SUSD6: variants seen among roughly 807,000 people sequenced by gnomAD.
SUSD6 encodes the protein sushi domain containing 6.
A neutral mutation model predicts 28.4 loss-of-function variants in SUSD6; 16 were observed. The observed-to-expected ratio is 0.56, with a 90% CI of 0.38 to 0.86. The LOEUF (loss-of-function observed/expected upper bound fraction) is 0.86. SUSD6 is among the 40% of genes least tolerant of loss of function. The pLI, the probability that SUSD6 is intolerant of heterozygous loss-of-function variation, is 0.00. For missense variants in SUSD6, 341 were observed against 384.2 expected, an observed-to-expected ratio of 0.89 and a Z score of 0.94; for synonymous variants, 147 against 159.6, an observed-to-expected ratio of 0.92 and a Z score of 0.59.
intron 2 of SUSD6, among the ~76,000 whole-genome samples, chr14:69,687,579 A>G (rs927851583): frequency 6.6e-6 from 1 of 152,246 alleles, no homozygotes; most frequent in Non-Finnish European, 1.5e-5. Flanking sequence ...TCTAGTTTCA[A>G]TCCGTAACTG....
chr14:69,651,012 C>T (rs1279302614), intron 1 of SUSD6, among the ~76,000 whole-genome samples: 1 of 152,156 alleles, frequency 6.6e-6, no homozygotes, highest in African/African-American at 2.4e-5. Context: ...CCTGTGTTGA[C>T]TTACTTTTTA....
intron 2 of SUSD6, among the ~76,000 whole-genome samples, chr14:69,668,365 T>C (rs112184231): frequency 9.2e-5 from 14 of 152,308 alleles, no homozygotes; most frequent in African/African-American, 3.4e-4. Flanking sequence ...CTGGGTGCAG[T>C]GGCTCATGCC....
At chr14:69,696,922 A>G (rs770104938) in intron 2 of SUSD6, among the ~76,000 whole-genome samples, 10 of 152,262 alleles carry the variant, frequency 6.6e-5, no homozygotes, top group East Asian at 1.9e-4. Flanking sequence ...GTAAAGGAAT[A>G]AAAGAATGGC....
At chr14:69,698,085 TG>T (rs775131479) in intron 2 of SUSD6, among the ~76,000 whole-genome samples, 12 of 152,256 alleles carry the variant, frequency 7.9e-5, no homozygotes, top group Non-Finnish European at 1.5e-4. Context: ...CCCAACACTT[TG>T]GGAGGCCGAG....
intron 1 of SUSD6, among the ~76,000 whole-genome samples, chr14:69,657,686 G>A (rs868331453): frequency 9.9e-5 from 15 of 152,264 alleles, no homozygotes; most frequent in Middle Eastern, 3.4e-3. Context: ...AAATATAATA[G>A]GCCCACACCA....
chr14:69,620,086 C>G (rs1885015523), intron 1 of SUSD6, among the ~76,000 whole-genome samples: 1 of 152,200 alleles, frequency 6.6e-6, no homozygotes, highest in South Asian at 2.1e-4. Context: ...ATGCTTGAGC[C>G]ATTGCTAGAA....
At position 69,713,546 on chromosome 14, in the gene SUSD6, C is replaced by G. The variant is rs1566610420; in HGVS notation, c.*2567C>G. 1 of 152,308 alleles carries G rather than the reference C, an allele frequency of 6.6e-6. No individual in the cohort carries two copies. The highest frequency in any genetic ancestry group is 6.5e-5 in the Admixed American group (1 of 15,286). The allele number at this position is 152,308 out of a possible 1,614,324, so 9.4% of individuals were successfully genotyped here. ...AACCATCAGCCATGTGCTGCTATTT[C>G]TAGGGCTTCTGGGCTTTGTCCCTTA... is the stretch of plus-strand genomic sequence containing the variant. On this transcript the variant is annotated 3_prime_UTR_variant, in exon 6 of 6. Transcript: ENST00000342745.
intron 1 of SUSD6, among the ~76,000 whole-genome samples, chr14:69,643,303 T>C (rs1032363111): frequency 2.0e-5 from 3 of 152,230 alleles, no homozygotes; most frequent in Non-Finnish European, 4.4e-5. Context: ...TGTTCACTTA[T>C]TGAAACATGG....
chr14:69,682,218 TCC>T (rs1209161216), intron 2 of SUSD6, among the ~76,000 whole-genome samples: 1 of 152,082 alleles, frequency 6.6e-6, no homozygotes, highest in African/African-American at 2.4e-5. Flanking sequence ...ATGCCTGGAA[TCC>T]CAGCTACTCG....
chr14:69,620,137 A>G (rs1885016225), intron 1 of SUSD6, among the ~76,000 whole-genome samples: 2 of 152,276 alleles, frequency 1.3e-5, no homozygotes, highest in Non-Finnish European at 1.5e-5. Context: ...CCCTTTATCA[A>G]TCCTCCATCT....
rs1246749909 is a variant in SUSD6 at position 69,711,557 on chromosome 14, T to A, written c.*578T>A. The A allele has an allele frequency of 2.0e-5, 3 of 153,182 alleles. No individual in the cohort carries two copies. The highest frequency in any genetic ancestry group is 2.9e-5 in the Non-Finnish European group (2 of 68,730). The allele number at this position is 153,182 out of a possible 1,614,324, so 9.5% of individuals were successfully genotyped here. Reference sequence around the variant, plus strand: ...TCAAGAGTGGCAGAAGTGGCTCTAATTGGGGTGAGAGTGTAGTCCCTGGGC... The same window carrying A: ...TCAAGAGTGGCAGAAGTGGCTCTAAATGGGGTGAGAGTGTAGTCCCTGGGC... On this transcript the variant is annotated 3_prime_UTR_variant, in exon 6 of 6. Transcript: ENST00000342745.
At chr14:69,689,719 G>A (rs2139636178) in intron 2 of SUSD6, among the ~76,000 whole-genome samples, 1 of 152,346 alleles carries the variant, frequency 6.6e-6, no homozygotes, top group South Asian at 2.1e-4. Context: ...AGGCTGGAGT[G>A]CAGTGGCATG....
chr14:69,632,899 C>T (rs1885215877), intron 1 of SUSD6, among the ~76,000 whole-genome samples: 1 of 152,224 alleles, frequency 6.6e-6, no homozygotes, highest in Non-Finnish European at 1.5e-5. Flanking sequence ...CTTTCTTTCA[C>T]AGGTTCCTAT....
chr14:69,679,295 A>G (rs1289281452), intron 2 of SUSD6, among the ~76,000 whole-genome samples: 1 of 152,174 alleles, frequency 6.6e-6, no homozygotes, highest in East Asian at 1.9e-4. Flanking sequence ...TCATTGTTTC[A>G]TGAGTGAATA....
At chr14:69,693,074 A>G (rs1886175192) in intron 2 of SUSD6, among the ~76,000 whole-genome samples, 1 of 152,208 alleles carries the variant, frequency 6.6e-6, no homozygotes, top group Admixed American at 6.5e-5. Flanking sequence ...TACACGTGGA[A>G]TAGCCTGGCT....
chr14:69,644,061 C>T (rs969527189), intron 1 of SUSD6, among the ~76,000 whole-genome samples: 4 of 152,170 alleles, frequency 2.6e-5, no homozygotes, highest in African/African-American at 9.7e-5. Context: ...CTTTGTACCT[C>T]ATGTTGTAAT....
At chr14:69,669,421 G>A (rs970193943) in intron 2 of SUSD6, among the ~76,000 whole-genome samples, 3 of 152,168 alleles carry the variant, frequency 2.0e-5, no homozygotes, top group Non-Finnish European at 2.9e-5. Context: ...GGAAAGGTAC[G>A]CTTTCATTAC....
intron 1 of SUSD6, among the ~76,000 whole-genome samples, chr14:69,648,051 C>T (rs1461388337): frequency 6.6e-6 from 1 of 152,026 alleles, no homozygotes; most frequent in Non-Finnish European, 1.5e-5. Context: ...ATCGTCTGGT[C>T]CAGCCCTGCA....
intron 2 of SUSD6, among the ~76,000 whole-genome samples, chr14:69,675,070 A>G (rs1364509784): frequency 1.3e-5 from 2 of 151,746 alleles, no homozygotes; most frequent in African/African-American, 4.9e-5. Context: ...ATCTGAGACA[A>G]CTGGAAACTG....
Sources: gnomAD v4.1 joint callset for allele counts (sites outside exome capture counted in the v4.1 genomes callset) on GRCh38, gnomAD v4.1.1 for gene constraint, MANE v1.5 for transcripts, NCBI Gene and HGNC (gene_info 2026-07-23, HGNC 2026-07-21) for gene names.